The following SAMMSON variants were observed in gnomAD, a reference collection of about 807,000 sequenced individuals.
SAMMSON encodes long intergenic non-protein coding RNA 1212.
intron 4 of SAMMSON, among the ~76,000 whole-genome samples, chr3:70,078,431 G>T (rs1270553916): frequency 1.3e-5 from 2 of 152,036 alleles, no homozygotes; most frequent in African/African-American, 2.4e-5. Context: ...GTGGCAATGT[G>T]GTGGCCCTGA....
intron 6 of SAMMSON, chr3:70,291,100 T>C (rs1019533648): frequency 6.6e-6 from 1 of 152,208 alleles, no homozygotes; most frequent in African/African-American, 2.4e-5. Flanking sequence ...ACTTATTTTT[T>C]TATGAAGGAA....
chr3:70,197,743 G>A (rs1207252880), intron 4 of SAMMSON, among the ~76,000 whole-genome samples: 1 of 152,140 alleles, frequency 6.6e-6, no homozygotes, highest in Admixed American at 6.5e-5. Flanking sequence ...ACAGCTTTTG[G>A]GTTGTGTTTT....
intron 6 of SAMMSON, among the ~76,000 whole-genome samples, chr3:70,256,234 A>G (rs1701814957): frequency 6.6e-6 from 1 of 152,250 alleles, no homozygotes; most frequent in Non-Finnish European, 1.5e-5. Flanking sequence ...TCTAATAAAA[A>G]TGAAGCCACT....
intron 4 of SAMMSON, among the ~76,000 whole-genome samples, chr3:70,146,192 C>G (rs2067547998): frequency 1.3e-5 from 2 of 151,960 alleles, no homozygotes; most frequent in South Asian, 4.1e-4. Context: ...TAGCTAAAAA[C>G]TTTCTGAAAA....
intron 4 of SAMMSON, among the ~76,000 whole-genome samples, chr3:70,198,543 G>A (rs775631172): frequency 5.3e-5 from 8 of 152,124 alleles, no homozygotes; most frequent in Non-Finnish European, 1.0e-4. Context: ...AAAGTTATAA[G>A]GTGAGTCCTG....
At chr3:70,330,554 C>G (rs1032788411) in intron 7 of SAMMSON, among the ~76,000 whole-genome samples, 2 of 151,982 alleles carry the variant, frequency 1.3e-5, no homozygotes, top group African/African-American at 2.4e-5. Flanking sequence ...ATTTGCATAT[C>G]TATTCATTCA....
chr3:70,411,634 A>G (rs1701220257), intron 2 of SAMMSON, among the ~76,000 whole-genome samples: 2 of 152,164 alleles, frequency 1.3e-5, no homozygotes, highest in African/African-American at 4.8e-5. Flanking sequence ...TAATTGAATC[A>G]TGGGGGCAGG....
chr3:70,391,227 T>A (rs1701045994), downstream of SAMMSON, among the ~76,000 whole-genome samples: 1 of 152,172 alleles, frequency 6.6e-6, no homozygotes, highest in Non-Finnish European at 1.5e-5. Flanking sequence ...TCTGTTGCTC[T>A]TATGACAAAA....
intron 4 of SAMMSON, among the ~76,000 whole-genome samples, chr3:70,171,952 G>T (rs769211155): frequency 2.2e-4 from 33 of 151,168 alleles, no homozygotes; most frequent in Non-Finnish European, 2.7e-4. Flanking sequence ...GAGTGATTTG[G>T]CTGGTGCTGG....
chr3:70,328,786 A>G (rs1328232028), intron 7 of SAMMSON, among the ~76,000 whole-genome samples: 2 of 152,128 alleles, frequency 1.3e-5, no homozygotes, highest in East Asian at 3.9e-4. Context: ...TCGTTTTCCA[A>G]ATTTGATGAA....
intron 6 of SAMMSON, among the ~76,000 whole-genome samples, chr3:70,287,775 G>T (rs998199358): frequency 4.6e-5 from 7 of 151,006 alleles, no homozygotes; most frequent in African/African-American, 1.2e-4. Flanking sequence ...CTTCTTCCTG[G>T]TTTAGTCTTG....
At chr3:70,334,306 GATTT>G (rs1322701330) in intron 7 of SAMMSON, among the ~76,000 whole-genome samples, 4 of 119,894 alleles carry the variant, frequency 3.3e-5, no homozygotes, top group Middle Eastern at 4.3e-3. Flanking sequence ...TTAAAATATG[GATTT>G]ATTTCCACTA....
chr3:70,288,333 G>A lies in SAMMSON; in HGVS notation n.675-2846G>A, dbSNP rs534914748. Among the ~76,000 whole-genome samples the A allele has an allele frequency of 5.0e-5, 6 of 119,778 alleles. No individual in the cohort carries two copies. In the East Asian group the frequency reaches 1.5e-3, roughly 30 times the overall value. The allele number at this position is 119,778 out of a possible 152,430, so 78.6% of individuals were successfully genotyped here. On this transcript the variant is annotated intron_variant and non_coding_transcript_variant, in intron 6 of 9. Transcript: ENST00000642114. ...CATTATGTACCCAGTAGTCATTCAG[G>A]AGCAGGTTGTTCAGTTTCCATGTAG...
chr3:70,332,037 AC>A (rs915839962), intron 7 of SAMMSON, among the ~76,000 whole-genome samples: 5 of 152,200 alleles, frequency 3.3e-5, no homozygotes, highest in African/African-American at 1.2e-4. Flanking sequence ...AAAAATGGAA[AC>A]CGCCATTGTT....
At chr3:70,222,929 G>T (rs1486134978) in intron 4 of SAMMSON, among the ~76,000 whole-genome samples, 1 of 152,086 alleles carries the variant, frequency 6.6e-6, no homozygotes, top group Non-Finnish European at 1.5e-5. Context: ...AAGCCCAAAT[G>T]GTATACCTAC....
intron 4 of SAMMSON, among the ~76,000 whole-genome samples, chr3:70,150,123 T>C (rs1470870003): frequency 6.6e-6 from 1 of 152,096 alleles, no homozygotes; most frequent in Non-Finnish European, 1.5e-5. Flanking sequence ...TGCCATAATA[T>C]GACTGTAGAG....
intron 4 of SAMMSON, among the ~76,000 whole-genome samples, chr3:70,192,412 T>TAGTCCAGGGC (rs1701137649): frequency 6.6e-6 from 1 of 152,128 alleles, no homozygotes; most frequent in African/African-American, 2.4e-5. Flanking sequence ...TTGGCCAGGG[T>TAGTCCAGGGC]AGTCCAGGGC....
chr3:70,063,634 A>G (rs967666734), intron 3 of SAMMSON, among the ~76,000 whole-genome samples: 3 of 152,112 alleles, frequency 2.0e-5, no homozygotes, highest in Non-Finnish European at 2.9e-5. Flanking sequence ...CTGCCACTGC[A>G]TATCCCTGTC....
intron 4 of SAMMSON, among the ~76,000 whole-genome samples, chr3:70,159,960 G>A (rs1485843887): frequency 6.6e-6 from 1 of 152,074 alleles, no homozygotes; most frequent in South Asian, 2.1e-4. Flanking sequence ...CTTTACAAGT[G>A]CTTCTTAGCC....
Sources: gnomAD v4.1 joint callset for allele counts (sites outside exome capture counted in the v4.1 genomes callset) on GRCh38, gnomAD v4.1.1 for gene constraint, MANE v1.5 for transcripts, NCBI Gene and HGNC (gene_info 2026-07-23, HGNC 2026-07-21) for gene names.